Variants in CTNNA1 observed in about 807,000 individuals in gnomAD.
The protein encoded by CTNNA1 is catenin alpha 1.
A neutral mutation model predicts 98.4 loss-of-function variants in CTNNA1; 37 were observed. That is an observed-to-expected ratio of 0.38 (90% CI 0.29 to 0.49). CTNNA1 has a LOEUF of 0.49. Ranked by LOEUF, CTNNA1 falls within the 20% of genes least tolerant of loss-of-function variation. The pLI is 0.95. For synonymous variants in CTNNA1, 404 were observed against 413.2 expected (o/e 0.98, Z 0.27); for missense variants, 761 against 1,147.2 (o/e 0.66, Z 4.86).
chr5:138,820,458 A>G (rs916556228), intron 5 of CTNNA1, among the ~76,000 whole-genome samples: 13 of 152,160 alleles, frequency 8.5e-5, no homozygotes, highest in South Asian at 6.2e-4. Flanking sequence ...CCTAGTGCCT[A>G]TGAGAACTGC....
At chr5:138,790,785 T>C (rs1756268256) in intron 3 of CTNNA1, 1 of 152,220 alleles carries the variant, frequency 6.6e-6, no homozygotes, top group Non-Finnish European at 1.5e-5. Context: ...GGTGATTGAG[T>C]GCTGCTGAAC....
intron 7 of CTNNA1, among the ~76,000 whole-genome samples, chr5:138,829,855 TC>T (rs915755644): frequency 1.3e-5 from 2 of 152,138 alleles, no homozygotes; most frequent in African/African-American, 4.8e-5. Flanking sequence ...ATTGAGACCA[TC>T]CTGGCTAACA....
chr5:138,926,177 C>T (rs1187649385), intron 13 of CTNNA1, among the ~76,000 whole-genome samples: 2 of 152,212 alleles, frequency 1.3e-5, no homozygotes, highest in African/African-American at 4.8e-5. Flanking sequence ...GCCCTCGAGT[C>T]CTGCAACTCC....
At chr5:138,878,874 T>C (rs1168812576) in intron 7 of CTNNA1, among the ~76,000 whole-genome samples, 1 of 152,108 alleles carries the variant, frequency 6.6e-6, no homozygotes, top group Admixed American at 6.5e-5. Flanking sequence ...TGGAGGAGCA[T>C]GTTAAAATAA....
In CTNNA1 at chr5:138,874,560, C is replaced by T. The variant is rs1159560033; in HGVS notation, c.1063-11652C>T. On this transcript the variant is annotated intron_variant, in intron 7 of 17. Coordinates refer to ENST00000302763, the MANE Select transcript of CTNNA1 (RefSeq NM_001903.5). This position sits in a 1 kb window ranked among gnomAD's most constrained non-coding sequence, Gnocchi z 4.1. ...AATGGCCACTTGAAATGTAAGCCTG[C>T]AGAATATAATTTAAGGAAAACAAGA... is the stretch of plus-strand genomic sequence containing the variant. 6.6e-7 allele frequency: 1 copy of T among 1,511,234 alleles called. No individual in the cohort carries two copies. Among genetic ancestry groups the T allele is most frequent in the Non-Finnish European group, 8.9e-7 (1 of 1,117,456 alleles). The allele number at this position is 1,511,234 out of a possible 1,614,324, so 93.6% of individuals were successfully genotyped here.
intron 11 of CTNNA1, among the ~76,000 whole-genome samples, chr5:138,918,531 G>GA (rs982819748): frequency 6.6e-6 from 1 of 152,202 alleles, no homozygotes; most frequent in African/African-American, 2.4e-5. Flanking sequence ...TTATGAACTT[G>GA]AAAAAATAAA....
chr5:138,794,012 ATTTTTTTTTTTTTT>A (rs10717660), intron 3 of CTNNA1, among the ~76,000 whole-genome samples: 1 of 112,298 alleles, frequency 8.9e-6, no homozygotes, highest in Non-Finnish European at 1.8e-5. Context: ...TCCTGGGTTG[ATTTTTTTTTTTTTT>A]TTTTTTTTTA....
chr5:138,898,602 A>T (rs950529860), intron 9 of CTNNA1, among the ~76,000 whole-genome samples: 2 of 65,610 alleles, frequency 3.0e-5, no homozygotes, highest in East Asian at 4.2e-4. Context: ...ACCCTGTCTT[A>T]AAAAAAAAAA....
Position 138,762,656 on chromosome 5 carries a change from C to T in CTNNA1, c.-3+9146C>T, listed in dbSNP as rs948786395. ...TTAATTTGTGGTTTTTTTTTTTTAC[C>T]AGCTGTAAGTTTGGAGTAATGCATG... On this transcript the variant is annotated intron_variant, in intron 1 of 17. Transcript: ENST00000302763. Among the ~76,000 whole-genome samples, 5 of 151,172 alleles carry T rather than the reference C, an allele frequency of 3.3e-5. No homozygotes were observed. The South Asian group carries it at 1.0e-3, about 31-fold the overall frequency.
At chr5:138,875,136 A>G in intron 7 of CTNNA1, 1 of 477,174 alleles carries the variant, frequency 2.1e-6, no homozygotes, top group East Asian at 3.5e-5. Context: ...TCCCTAAATC[A>G]GTTTTGAATA....
At chr5:138,824,085 T>C (rs1392333941) in intron 5 of CTNNA1, among the ~76,000 whole-genome samples, 1 of 152,018 alleles carries the variant, frequency 6.6e-6, no homozygotes, top group Non-Finnish European at 1.5e-5. Context: ...TAGGTACATA[T>C]ATCTATATAG....
At chr5:138,769,469 A>C (rs866547830) in intron 1 of CTNNA1, among the ~76,000 whole-genome samples, 1 of 151,470 alleles carries the variant, frequency 6.6e-6, no homozygotes, top group Non-Finnish European at 1.5e-5. Flanking sequence ...GCTCACTGCA[A>C]CCTCCGCCTC....
chr5:138,837,010 G>A (rs554329508), intron 7 of CTNNA1, among the ~76,000 whole-genome samples: 7 of 152,166 alleles, frequency 4.6e-5, no homozygotes, highest in East Asian at 3.9e-4. Context: ...ATCATACACC[G>A]TGTTCATTTC....
chr5:138,870,555 G>A (rs1171481643), intron 7 of CTNNA1: 4 of 152,208 alleles, frequency 2.6e-5, no homozygotes, highest in Admixed American at 6.5e-5. Flanking sequence ...GATTTTGCCA[G>A]TTATGGTCCT....
chr5:138,926,527 A>C (rs908953854), intron 13 of CTNNA1, among the ~76,000 whole-genome samples: 3 of 150,596 alleles, frequency 2.0e-5, no homozygotes, highest in Non-Finnish European at 4.4e-5. Context: ...TTCGTTGAGG[A>C]TACTGAGGCA....
At position 138,827,596 on chromosome 5, in the gene CTNNA1, A is replaced by G. The variant is rs200854132; in HGVS notation, c.940A>G (p.Ser314Gly). The stretch of plus-strand genomic sequence containing the variant: ...GGAGGAGCGTCTGGAAAGCATCATT[A>G]GTGGGGCTGCCTTGATGGCCGACTC... ...SLEERLESII[S>G]GAALMADSSC... The change falls in exon 7 of 18, where the codon AGT (serine) becomes GGT (glycine). Residue 314 changes from serine (S) to glycine (G), a missense_variant. By Grantham distance (56) the Ser-to-Gly change is moderately conservative (BLOSUM62 0). Around this residue, in one of 6 missense-constraint regions of CTNNA1, gnomAD observed 287 missense variants for 436.0 expected, o/e 0.66. Transcript: ENST00000302763. 2 of 1,614,184 alleles carry G rather than the reference A, an allele frequency of 1.2e-6. No homozygotes were observed. The highest frequency in any genetic ancestry group is 2.7e-5 in the African/African-American group (2 of 75,040).
chr5:138,859,677 A>G (rs1764080499), intron 7 of CTNNA1, among the ~76,000 whole-genome samples: 5 of 152,178 alleles, frequency 3.3e-5, no homozygotes, highest in Admixed American at 3.3e-4. Flanking sequence ...TAATCCCAGC[A>G]CTTTAGGGTC....
chr5:138,905,110 A>AC (rs1426554111), intron 10 of CTNNA1, among the ~76,000 whole-genome samples: 1 of 148,196 alleles, frequency 6.7e-6, no homozygotes, highest in African/African-American at 2.5e-5. Flanking sequence ...AAAAAAAAAA[A>AC]AATACATACA....
At chr5:138,797,118 G>C (rs561388032) in intron 3 of CTNNA1, among the ~76,000 whole-genome samples, 1 of 152,054 alleles carries the variant, frequency 6.6e-6, no homozygotes, top group Non-Finnish European at 1.5e-5. Context: ...TTTCATTTTT[G>C]CATGAACTAG....
Sources: gnomAD v4.1 joint callset for allele counts (sites outside exome capture counted in the v4.1 genomes callset) on GRCh38, gnomAD v4.1.1 for gene constraint, gnomAD v4.1.1 regional missense constraint, Gnocchi (gnomAD v3.1) non-coding constraint, MANE v1.5 for transcripts, NCBI Gene and HGNC (gene_info 2026-07-23, HGNC 2026-07-21) for gene names.